The following NRG4 variants were observed in gnomAD, a reference collection of about 807,000 sequenced individuals.
The protein encoded by NRG4 is neuregulin 4, also known as pro-neuregulin-4, membrane-bound isoform.
Under a neutral mutation model 15.0 loss-of-function variants are expected in NRG4, and 10 were observed. The ratio of observed to expected loss-of-function variants is 0.67; its 90% CI spans 0.41 to 1.13. The LOEUF (loss-of-function observed/expected upper bound fraction) is 1.13, where lower values mean the gene tolerates loss of function less well. Among genes scored for constraint, NRG4 ranks in the 50% most tolerant of loss-of-function variants. The pLI, the probability that NRG4 is intolerant of heterozygous loss-of-function variation, is 0.00. For missense variants in NRG4, 139 were observed against 140.2 expected, an observed-to-expected ratio of 0.99 and a Z score of 0.04; for synonymous variants, 41 against 50.1, an observed-to-expected ratio of 0.82 and a Z score of 0.77.
chr15:75,940,126 A>C (rs1279034148), downstream of NRG4: 1 of 47,474 alleles, frequency 2.1e-5, no homozygotes, highest in African/African-American at 6.3e-5. Context: ...AAAAAAAAAT[A>C]ACTGTTAATT....
At chr15:76,056,612 T>C (rs1012416788) in intron 2 of NRG4, among the ~76,000 whole-genome samples, 2 of 152,222 alleles carry the variant, frequency 1.3e-5, no homozygotes, top group African/African-American at 4.8e-5. Flanking sequence ...GCTTTCTACC[T>C]GTACATTCCA....
chr15:75,944,950 T>A (rs553787354), intron 5 of NRG4, among the ~76,000 whole-genome samples: 30 of 141,836 alleles, frequency 2.1e-4, no homozygotes, highest in African/African-American at 6.4e-4. Context: ...ATACTTTTTT[T>A]AATACTTTTT....
intron 2 of NRG4, chr15:76,056,922 A>G (rs972654429): frequency 2.6e-5 from 4 of 152,222 alleles, no homozygotes; most frequent in Non-Finnish European, 5.9e-5. Context: ...TTGAAAAGGC[A>G]GTCTTTTTAA....
At chr15:76,016,339 C>T (rs1049833584), upstream of NRG4, among the ~76,000 whole-genome samples, 1 of 152,154 alleles carries the variant, frequency 6.6e-6, no homozygotes, top group African/African-American at 2.4e-5. Flanking sequence ...CTATCTCCTT[C>T]AGACTGCTCT....
upstream of NRG4, among the ~76,000 whole-genome samples, chr15:76,013,254 GA>G (rs2034873552): frequency 6.6e-6 from 1 of 152,042 alleles, no homozygotes; most frequent in Non-Finnish European, 1.5e-5. Flanking sequence ...GTGAACCCGG[GA>G]GGCGGAGCTT....
chr15:76,017,959 A>G (rs1334100479), intron 5 of NRG4, among the ~76,000 whole-genome samples: 2 of 152,188 alleles, frequency 1.3e-5, no homozygotes, highest in Non-Finnish European at 2.9e-5. Flanking sequence ...ACTTTTAGGT[A>G]CACCAATCAA....
At chr15:76,026,748 G>T (rs74841704) in intron 5 of NRG4, among the ~76,000 whole-genome samples, 1 of 152,166 alleles carries the variant, frequency 6.6e-6, no homozygotes, top group African/African-American at 2.4e-5. Context: ...AACAGAAGGA[G>T]GTCCTCATCA....
At chr15:76,040,569 G>T (rs761397804) in intron 4 of NRG4, among the ~76,000 whole-genome samples, 4 of 152,184 alleles carry the variant, frequency 2.6e-5, no homozygotes, top group African/African-American at 4.8e-5. Flanking sequence ...CTGAACTGTG[G>T]TGTGTAAACA....
intron 1 of NRG4, among the ~76,000 whole-genome samples, chr15:76,058,006 C>G (rs1291312312): frequency 6.6e-6 from 1 of 151,970 alleles, no homozygotes; most frequent in Non-Finnish European, 1.5e-5. Flanking sequence ...TTTCAAAATA[C>G]TTGTCGTACT....
downstream of NRG4, chr15:75,940,026 A>C (rs1300446844): frequency 6.6e-6 from 1 of 152,126 alleles, no homozygotes; most frequent in African/African-American, 2.4e-5. Context: ...TAGAAAAAGA[A>C]AAGACATCTA....
chr15:75,988,295 C>T (rs1417374582), intron 3 of NRG4, among the ~76,000 whole-genome samples: 1 of 152,190 alleles, frequency 6.6e-6, no homozygotes, highest in Non-Finnish European at 1.5e-5. Flanking sequence ...AAGTGATTCT[C>T]CTGCCTCAGC....
intron 3 of NRG4, among the ~76,000 whole-genome samples, chr15:75,967,472 T>TTC (rs1336913904): frequency 6.7e-6 from 1 of 148,194 alleles, no homozygotes; most frequent in African/African-American, 2.5e-5. Context: ...TTTTTTTTTT[T>TTC]TTTTTTGAGA....
chr15:75,976,298 A>G (rs1244599837), intron 3 of NRG4, among the ~76,000 whole-genome samples: 1 of 152,172 alleles, frequency 6.6e-6, no homozygotes, highest in East Asian at 1.9e-4. Flanking sequence ...TTTAGCTTGA[A>G]GGAGTTTGTT....
rs146199571 is a variant in NRG4 at position 75,974,643 on chromosome 15, T to C, written c.105-12669A>G. 6.6e-5 allele frequency among the ~76,000 whole-genome samples: 10 copies of C among 152,340 alleles called. 1 individual carries two copies. The highest frequency in any genetic ancestry group is 3.9e-4 in the East Asian group (2 of 5,192). On this transcript the variant is annotated intron_variant, in intron 3 of 5. Transcript: ENST00000394907. Reference sequence around the variant, plus strand: ...CAGTAGTCATTCAGGATTAGATTGTTCAGTTTCCATGTAGTTGTGTGGCTT... The same window carrying C: ...CAGTAGTCATTCAGGATTAGATTGTCCAGTTTCCATGTAGTTGTGTGGCTT...
chr15:75,978,942 A>T (rs1309042346), intron 3 of NRG4, among the ~76,000 whole-genome samples: 1 of 152,110 alleles, frequency 6.6e-6, no homozygotes, highest in Non-Finnish European at 1.5e-5. Context: ...ACAAAGCTAT[A>T]TCTCCACTTT....
intron 3 of NRG4, among the ~76,000 whole-genome samples, chr15:75,989,450 A>T (rs572512469): frequency 6.6e-6 from 1 of 151,880 alleles, no homozygotes; most frequent in African/African-American, 2.4e-5. Flanking sequence ...CTGCCCTCTC[A>T]TCTTTCTGAG....
intron 3 of NRG4, among the ~76,000 whole-genome samples, chr15:75,967,112 C>CAAAAAA (rs1300663699): frequency 2.0e-5 from 1 of 51,158 alleles, no homozygotes; most frequent in Non-Finnish European, 3.9e-5. Flanking sequence ...GACTCCGTCT[C>CAAAAAA]AAAAAAAAAA....
At position 75,977,521 on chromosome 15, in the gene NRG4, T is replaced by G. The variant is rs1012789831; in HGVS notation, c.105-15547A>C. On this transcript the variant is annotated intron_variant, in intron 3 of 5. Transcript: ENST00000394907. This position sits in a 1 kb window ranked among gnomAD's most constrained non-coding sequence, Gnocchi z 4.9. ...GAAAAGCATAGCATCTGGGCCAGAA[T>G]GCACCATTCCTCACAGTCCCTTGGC... is the stretch of plus-strand genomic sequence containing the variant. Among the ~76,000 whole-genome samples, 1 of 152,202 alleles carries G rather than the reference T, an allele frequency of 6.6e-6. No homozygotes were observed.
chr15:75,992,513 C>T (rs1005787265), intron 3 of NRG4, among the ~76,000 whole-genome samples: 11 of 152,006 alleles, frequency 7.2e-5, no homozygotes, highest in African/African-American at 2.7e-4. Context: ...AATTCACATA[C>T]CGTACAATCT....
Sources: gnomAD v4.1 joint callset for allele counts (sites outside exome capture counted in the v4.1 genomes callset) on GRCh38, gnomAD v4.1.1 for gene constraint, Gnocchi (gnomAD v3.1) non-coding constraint, MANE v1.5 for transcripts, NCBI Gene and HGNC (gene_info 2026-07-23, HGNC 2026-07-21) for gene names.